The following PXK variants were observed in gnomAD, a reference collection of about 807,000 sequenced individuals.
PXK encodes the protein PX domain containing serine/threonine kinase like, also known as PX domain-containing protein kinase-like protein.
Under a neutral mutation model 84.7 loss-of-function variants are expected in PXK, and 35 were observed. The ratio of observed to expected loss-of-function variants is 0.41; its 90% CI spans 0.32 to 0.55. The LOEUF is 0.55. Ranked by LOEUF, PXK falls within the 20% of genes least tolerant of loss-of-function variation. The pLI, the probability that PXK is intolerant of heterozygous loss-of-function variation, is 0.21. For missense variants in PXK, 634 were observed against 699.7 expected, an observed-to-expected ratio of 0.91 and a Z score of 1.06; for synonymous variants, 253 against 260.8, an observed-to-expected ratio of 0.97 and a Z score of 0.29.
At chr3:58,335,054 TGTGTGG>T (rs1383193667) in intron 1 of PXK, among the ~76,000 whole-genome samples, 1 of 141,420 alleles carries the variant, frequency 7.1e-6, no homozygotes, top group Non-Finnish European at 1.5e-5. Flanking sequence ...TGTGTGTGTG[TGTGTGG>T]AGACAGCGTC....
intron 3 of PXK, among the ~76,000 whole-genome samples, chr3:58,378,512 T>TTGTGTGTG (rs71091375): frequency 0.022 from 582 of 26,280 alleles, 7 homozygotes; most frequent in East Asian, 0.11. Context: ...TTTTTTTTTT[T>TTGTGTGTG]TGTGTGTGTG....
chr3:58,394,217 G>T (rs2098658923), intron 7 of PXK, among the ~76,000 whole-genome samples: 1 of 152,130 alleles, frequency 6.6e-6, no homozygotes, highest in Non-Finnish European at 1.5e-5. Flanking sequence ...GCTCCCATGG[G>T]TTTAAATTTT....
Position 58,397,495 on chromosome 3 carries a change from G to A in PXK, c.985-110G>A. 1.0e-6 allele frequency: 1 copy of A among 959,696 alleles called. No homozygotes were observed. The highest frequency in any genetic ancestry group is 1.4e-5 in the South Asian group (1 of 71,188). The allele number at this position is 959,696 out of a possible 1,614,324, so 59.4% of individuals were successfully genotyped here. On this transcript the variant is annotated intron_variant, in intron 10 of 17. Transcript: ENST00000356151. The surrounding 1 kb of genome is among the most constrained non-coding windows in gnomAD (Gnocchi z 4.7). Reference sequence around the variant, plus strand: ...GAGTTGCATTTACGTTACCAATTAGGAACGGGGCTATCCCTGGGCTTTGTT... The same window carrying A: ...GAGTTGCATTTACGTTACCAATTAGAAACGGGGCTATCCCTGGGCTTTGTT...
rs887916596 is a variant in PXK, at chr3:58,407,950, G to T, written c.1231-974G>T. 1.3e-5 allele frequency among the ~76,000 whole-genome samples: 2 copies of T among 152,214 alleles called. No homozygotes were observed. The highest frequency in any genetic ancestry group is 1.5e-5 in the Non-Finnish European group (1 of 68,032). ...ATCCAAGAAATCACTGCCAAATCCA[G>T]TGTCAAGAAGCTTTTCCCCTGTGTC... On this transcript the variant is annotated intron_variant, in intron 13 of 17. Transcript: ENST00000356151. This position sits in a 1 kb window ranked among gnomAD's most constrained non-coding sequence, Gnocchi z 4.3.
chr3:58,422,025 T>A, intron 17 of PXK: 1 of 985,388 alleles, frequency 1.0e-6, no homozygotes. Flanking sequence ...CAGGCAGTTG[T>A]TCCCAGGTTT....
In PXK at chr3:58,397,290, G is replaced by A. The variant is rs184515814; in HGVS notation, c.984+90G>A. ...CCATGTAGGAAATATGCACCAAGTA[G>A]TGAAAGGTATAGTTGGGACAGGCCT... On this transcript the variant is annotated intron_variant, in intron 10 of 17. Coordinates refer to ENST00000356151, the MANE Select transcript of PXK (RefSeq NM_017771.5). This position sits in a 1 kb window ranked among gnomAD's most constrained non-coding sequence, Gnocchi z 4.7. 41 of 1,437,880 alleles carry A rather than the reference G, an allele frequency of 2.9e-5. No individual in the cohort carries two copies. Among genetic ancestry groups the A allele is most frequent in the Non-Finnish European group, 3.8e-5 (39 of 1,039,018 alleles). 89.1% of individuals were successfully genotyped at this position (1,437,880 alleles called of 1,614,324 possible). A position where few individuals can be genotyped will look rare whatever the true frequency, so the allele number is the denominator to read the frequency against.
At chr3:58,349,831 T>A (rs928326584) in intron 1 of PXK, among the ~76,000 whole-genome samples, 1 of 152,204 alleles carries the variant, frequency 6.6e-6, no homozygotes, top group Non-Finnish European at 1.5e-5. Context: ...CCATATTGGA[T>A]ATCAAGCCTT....
chr3:58,410,268 G>C, intron 16 of PXK, 109 bp downstream of exon 16: 1 of 755,256 alleles, frequency 1.3e-6, no homozygotes, highest in Non-Finnish European at 2.3e-6. Flanking sequence ...GGGCAATGTA[G>C]TAATGACTAC....
intron 3 of PXK, among the ~76,000 whole-genome samples, chr3:58,369,989 C>T (rs1047725727): frequency 6.6e-6 from 1 of 152,138 alleles, no homozygotes; most frequent in African/African-American, 2.4e-5. Flanking sequence ...AATTAATAGT[C>T]ACCTTGCAAC....
At chr3:58,371,836 G>A (rs1328625182) in intron 3 of PXK, among the ~76,000 whole-genome samples, 2 of 152,120 alleles carry the variant, frequency 1.3e-5, no homozygotes, top group Non-Finnish European at 2.9e-5. Flanking sequence ...TCATTTCAGT[G>A]GGAGGTTTTT....
In PXK at chr3:58,383,578, G is replaced by A. The variant is rs2108812458; in HGVS notation, c.388+878G>A. On this transcript the variant is annotated intron_variant, in intron 4 of 17. Transcript: ENST00000356151. The surrounding 1 kb of genome is among the most constrained non-coding windows in gnomAD (Gnocchi z 4.0). ...TCTCTTCCAAATCTTTCCTGGATCA[G>A]GGCAGCCGCCAAGGTACTGTGGTTG... 6.6e-6 allele frequency among the ~76,000 whole-genome samples: 1 copy of A among 152,294 alleles called. No individual in the cohort carries two copies. Among genetic ancestry groups the A allele is most frequent in the Admixed American group, 6.5e-5 (1 of 15,300 alleles).
rs554746590 is a variant in PXK at position 58,407,159 on chromosome 3, A to T, written c.1231-1765A>T. Among the ~76,000 whole-genome samples, 9 of 152,140 alleles carry T rather than the reference A, an allele frequency of 5.9e-5. No individual in the cohort carries two copies. The South Asian group carries it at 1.9e-3, about 32-fold the overall frequency. The stretch of plus-strand genomic sequence containing the variant: ...TACTGTTTTCCATAGCAGCTGTACT[A>T]CTCTACATTTCCACCAGCAGTGTAC... On this transcript the variant is annotated intron_variant, in intron 13 of 17. Coordinates refer to ENST00000356151, the MANE Select transcript of PXK (RefSeq NM_017771.5). The surrounding 1 kb of genome is among the most constrained non-coding windows in gnomAD (Gnocchi z 4.3).
chr3:58,418,758 A>C (rs1195908636), intron 17 of PXK, among the ~76,000 whole-genome samples: 1 of 152,190 alleles, frequency 6.6e-6, no homozygotes, highest in Non-Finnish European at 1.5e-5. Flanking sequence ...TTATGTTTTA[A>C]CCAATAATTT....
chr3:58,390,432 TTTTC>T lies in PXK; in HGVS notation c.389-142_389-139del. 2 of 464,374 alleles carry T rather than the reference TTTTC, an allele frequency of 4.3e-6. No homozygotes were observed. Among genetic ancestry groups the T allele is most frequent in the Non-Finnish European group, 7.3e-6 (2 of 272,682 alleles). The allele number at this position is 464,374 out of a possible 1,614,324, so 28.8% of individuals were successfully genotyped here. A position where few individuals can be genotyped will look rare whatever the true frequency, so the allele number is the denominator to read the frequency against. ...CCACATTGCATTTAGTTTGTGTGTA[TTTTC>T]TTTCTTTATTATTATTTTTTTTTTG... is the stretch of plus-strand genomic sequence containing the variant. On this transcript the variant is annotated intron_variant, in intron 4 of 17. Coordinates refer to ENST00000356151, the MANE Select transcript of PXK (RefSeq NM_017771.5). This position sits in a 1 kb window ranked among gnomAD's most constrained non-coding sequence, Gnocchi z 4.2.
chr3:58,364,313 ATTC>A lies in PXK; in HGVS notation c.103-1555_103-1553del, dbSNP rs975243634. ...AAGAGTTTGTAGAGAATTGGTGTTG[ATTC>A]TTCTTAAGACACTTAGTAGAATTCT... On this transcript the variant is annotated intron_variant, in intron 1 of 17. Transcript: ENST00000356151. The surrounding 1 kb of genome is among the most constrained non-coding windows in gnomAD (Gnocchi z 4.3). Among the ~76,000 whole-genome samples, 121 of 152,150 alleles carry A rather than the reference ATTC, an allele frequency of 8.0e-4. No individual in the cohort carries two copies. Among genetic ancestry groups the A allele is most frequent in the Middle Eastern group, 3.4e-3 (1 of 294 alleles).
chr3:58,340,229 CCTT>C (rs1378995205), intron 1 of PXK, among the ~76,000 whole-genome samples: 2 of 151,208 alleles, frequency 1.3e-5, no homozygotes, highest in Non-Finnish European at 2.9e-5. Context: ...CTCAAACAAT[CCTT>C]CTGCCTCAGC....
At chr3:58,366,096 C>G (rs1454243977) in intron 2 of PXK, among the ~76,000 whole-genome samples, 172 bp downstream of exon 2, 1 of 152,152 alleles carries the variant, frequency 6.6e-6, no homozygotes, top group Non-Finnish European at 1.5e-5. Flanking sequence ...AAGAGTCTTT[C>G]CTGTCCCCAG....
chr3:58,411,035 A>T lies in PXK; in HGVS notation c.1465+876A>T, dbSNP rs1219622531. Among the ~76,000 whole-genome samples the T allele has an allele frequency of 6.6e-6, 1 of 152,190 alleles. No homozygotes were observed. Among genetic ancestry groups the T allele is most frequent in the African/African-American group, 2.4e-5 (1 of 41,442 alleles). On this transcript the variant is annotated intron_variant, in intron 16 of 17. Coordinates refer to ENST00000356151, the MANE Select transcript of PXK (RefSeq NM_017771.5). The surrounding 1 kb of genome is among the most constrained non-coding windows in gnomAD (Gnocchi z 4.2). The stretch of plus-strand genomic sequence containing the variant: ...CAGCTATCAGTCTCAACTTTGAGGA[A>T]ACCCATGCATCTCTTCCTAGCGGTA...
intron 3 of PXK, among the ~76,000 whole-genome samples, chr3:58,382,281 A>T (rs570767873): frequency 1.6e-4 from 25 of 152,188 alleles, no homozygotes; most frequent in Admixed American, 1.6e-3. Flanking sequence ...GCACCACTGC[A>T]CTCCAGCCTG....
Sources: gnomAD v4.1 joint callset for allele counts (sites outside exome capture counted in the v4.1 genomes callset) on GRCh38, gnomAD v4.1.1 for gene constraint, Gnocchi (gnomAD v3.1) non-coding constraint, MANE v1.5 for transcripts, NCBI Gene and HGNC (gene_info 2026-07-23, HGNC 2026-07-21) for gene names.